ABCC10: variants seen among roughly 807,000 people sequenced by gnomAD.
The protein encoded by ABCC10 is ATP-binding cassette sub-family C member 10.
In ABCC10, 110 loss-of-function variants were observed where a neutral mutation model predicts 143.2. The ratio of observed to expected loss-of-function variants is 0.77; its 90% CI spans 0.66 to 0.90. The LOEUF (loss-of-function observed/expected upper bound fraction) is 0.90, where lower values mean the gene tolerates loss of function less well. Among genes scored for constraint, ABCC10 ranks in the 40% least tolerant of loss-of-function variants. The probability of loss-of-function intolerance (pLI) is 0.00; values close to 1 mark genes in which losing one functional copy is unlikely to be tolerated. For synonymous variants in ABCC10, 805 were observed against 846.7 expected, an observed-to-expected ratio of 0.95 and a Z score of 0.85; for missense variants, 1,700 against 1,900.5, an observed-to-expected ratio of 0.89 and a Z score of 1.96.
At chr6:43,436,518 CAG>C (rs1781743984) in intron 6 of ABCC10, among the ~76,000 whole-genome samples, 1 of 152,320 alleles carries the variant, frequency 6.6e-6, no homozygotes, top group African/African-American at 2.4e-5. Flanking sequence ...CCATGTCCCT[CAG>C]AAGCTGCAGC....
Position 43,432,573 on chromosome 6 carries a change from C to G in ABCC10, c.593C>G (p.Pro198Arg). The G allele has an allele frequency of 6.2e-7, 1 of 1,613,682 alleles. No individual in the cohort carries two copies. The highest frequency in any genetic ancestry group is 1.1e-5 in the South Asian group (1 of 91,088). ...GCAGCTCCTGGGGGACCACGAGAAC[C>G]CTGGGCTCAGGAGCCCCTCCTGCCC... Reference protein sequence around the residue: ...GWAAPGGPREPWAQEPLLPED... With the variant: ...GWAAPGGPRERWAQEPLLPED... The change falls in exon 3 of 22, where the codon CCC becomes CGC. Residue 198 changes from proline to arginine, a missense_variant. Transcript: ENST00000372530.
intron 2 of ABCC10, among the ~76,000 whole-genome samples, chr6:43,429,277 C>T (rs1472712646): frequency 6.6e-6 from 1 of 152,084 alleles, no homozygotes; most frequent in Non-Finnish European, 1.5e-5. Flanking sequence ...GTTTATGCCT[C>T]CAAGGGCCCA....
chr6:43,442,550 G>A (rs1296062361), intron 9 of ABCC10, among the ~76,000 whole-genome samples: 1 of 151,946 alleles, frequency 6.6e-6, no homozygotes. Flanking sequence ...CAGCCTGGGT[G>A]ATGAGAATGA....
At chr6:43,440,976 A>G (rs1782380559) in intron 8 of ABCC10, among the ~76,000 whole-genome samples, 1 of 151,662 alleles carries the variant, frequency 6.6e-6, no homozygotes, top group Admixed American at 6.6e-5. Context: ...CATGGCTCAC[A>G]CCTGTAGTCC....
In ABCC10 at chr6:43,447,827, C is replaced by T. The variant is rs1039370287; in HGVS notation, c.3849C>T (p.Gly1283=). 16 of 1,613,656 alleles carry T rather than the reference C, an allele frequency of 9.9e-6. No homozygotes were observed. In the African/African-American group the frequency reaches 1.3e-4, roughly 13 times the overall value. Residue 1283 remains glycine, a synonymous_variant, in exon 18 of 22, where the codon GGC becomes GGT. Coordinates refer to ENST00000372530, the MANE Select transcript of ABCC10 (RefSeq NM_001198934.2). ...GEKLGIVGRT[G]SGKSSLLLVL... is the part of the protein sequence containing the mutation. The stretch of plus-strand genomic sequence containing the variant: ...AGTTGGGCATCGTGGGCCGCACAGG[C>T]TCCGGCAAGTCTTCCCTGTTGTTGG...
chr6:43,445,001 G>T (rs182981708), intron 13 of ABCC10, 63 bp downstream of exon 13: 42 of 1,582,572 alleles, frequency 2.7e-5, no homozygotes, highest in Non-Finnish European at 3.5e-5. Context: ...CAGGGAGTGA[G>T]GGTTGTGGCC....
intron 2 of ABCC10, among the ~76,000 whole-genome samples, chr6:43,429,413 G>GGC (rs1780889611): frequency 6.8e-4 from 2 of 2,934 alleles, no homozygotes; most frequent in East Asian, 0.05. Flanking sequence ...TGTGTGTGGC[G>GGC]GGGGGGAGGG....
In ABCC10 at chr6:43,435,774, G is replaced by A. The variant is rs751089828; in HGVS notation, c.1632G>A (p.Val544=). ...ATKVFTALAL[V]RMLILPLNNF... The stretch of plus-strand genomic sequence containing the variant: ...AGGTGTTCACGGCCCTGGCACTGGT[G>A]CGAATGCTCATTCTTCCTCTCAACA... Residue 544 remains valine (V), a synonymous_variant, in exon 5 of 22, where the codon GTG becomes GTA. Transcript: ENST00000372530. 1.9e-6 allele frequency: 3 copies of A among 1,614,100 alleles called. No homozygotes were observed. The highest frequency in any genetic ancestry group is 1.1e-5 in the South Asian group (1 of 91,090).
rs1420384581 is a variant in ABCC10, at chr6:43,428,034, T to G, written c.56T>G (p.Leu19Arg). ...CGSSAAWPLP[L>R]WEGDTTGHCF... ...AGCAGCGCAGCGTGGCCGCTCCCGC[T>G]GTGGGAGGGGGACACCACAGGCCAC... is the stretch of plus-strand genomic sequence containing the variant. Residue 19 changes from leucine to arginine, a missense_variant, in exon 2 of 22, where the codon CTG (leucine) becomes CGG (arginine). By Grantham distance (102) the Leu-to-Arg change is moderately radical (BLOSUM62 -2). Transcript: ENST00000372530. 6.2e-7 allele frequency: 1 copy of G among 1,605,836 alleles called. No individual in the cohort carries two copies. Among genetic ancestry groups the G allele is most frequent in the East Asian group, 2.2e-5 (1 of 44,558 alleles).
rs780489672 is a variant in ABCC10, at chr6:43,444,315, T to C, written c.2651T>C (p.Leu884Ser). Residue 884 changes from leucine (L) to serine (S), a missense_variant, in exon 12 of 22, where the codon TTG (leucine) becomes TCG (serine). Leu to Ser is a moderately radical substitution (Grantham distance 145). Coordinates refer to ENST00000372530, the MANE Select transcript of ABCC10 (RefSeq NM_001198934.2). Reference sequence around the variant, plus strand: ...TACTGGAAGGCCGTGGGCCAGGGCTTGGCCTTAGCCATCCTCTTCTCTCTG... The same window carrying C: ...TACTGGAAGGCCGTGGGCCAGGGCTCGGCCTTAGCCATCCTCTTCTCTCTG... ...QAYWKAVGQG[L>S]ALAILFSLLL... is the part of the protein sequence containing the mutation. 6.8e-6 allele frequency: 11 copies of C among 1,612,674 alleles called. No homozygotes were observed. The South Asian group carries it at 1.2e-4, about 18-fold the overall frequency.
Position 43,447,271 on chromosome 6 carries a change from T to C in ABCC10, c.3568T>C (p.Tyr1190His), listed in dbSNP as rs141128599. 4.3e-6 allele frequency: 7 copies of C among 1,613,690 alleles called. No individual in the cohort carries two copies. In the African/African-American group the frequency reaches 6.7e-5, roughly 15 times the overall value. Residue 1190 changes from tyrosine to histidine, a missense_variant, in exon 17 of 22, where the codon TAT becomes CAT. Tyr to His is a moderately conservative substitution (Grantham distance 83). Coordinates refer to ENST00000372530, the MANE Select transcript of ABCC10 (RefSeq NM_001198934.2). ...AGGGCTGGTGGGCTTGTCGCTGTCTTATGCCCTGTCCCTGACGGGCCTGCT... is the reference window on the plus strand; with the variant it reads ...AGGGCTGGTGGGCTTGTCGCTGTCTCATGCCCTGTCCCTGACGGGCCTGCT... The part of the protein sequence containing the change: ...NPGLVGLSLS[Y>H]ALSLTGLLSG...
At chr6:43,439,213 T>G (rs1374584315) in intron 8 of ABCC10, among the ~76,000 whole-genome samples, 1 of 152,054 alleles carries the variant, frequency 6.6e-6, no homozygotes, top group Non-Finnish European at 1.5e-5. Flanking sequence ...GAGTACTATA[T>G]TTATAGGAGA....
Position 43,444,273 on chromosome 6 carries a change from T to C in ABCC10, c.2609T>C (p.Leu870Ser). The change falls in exon 12 of 22, where the codon TTG becomes TCG. Residue 870 changes from leucine to serine, a missense_variant. Leu to Ser is a moderately radical substitution (Grantham distance 145). Coordinates refer to ENST00000372530, the MANE Select transcript of ABCC10 (RefSeq NM_001198934.2). ...EESKKEGAVA[L>S]HVYQAYWKAV... ...AGCAAGAAGGAGGGCGCCGTGGCCT[T>C]GCACGTGTACCAAGCTTACTGGAAG... is the stretch of plus-strand genomic sequence containing the variant. 1 of 1,614,156 alleles carries C rather than the reference T, an allele frequency of 6.2e-7. No individual in the cohort carries two copies. Among genetic ancestry groups the C allele is most frequent in the Non-Finnish European group, 8.5e-7 (1 of 1,180,026 alleles).
In ABCC10 at chr6:43,432,162, C is replaced by G; in HGVS notation, c.182C>G (p.Pro61Arg). 6.2e-7 allele frequency: 1 copy of G among 1,614,210 alleles called. No individual in the cohort carries two copies. The highest frequency in any genetic ancestry group is 8.5e-7 in the Non-Finnish European group (1 of 1,180,032). Residue 61 changes from proline to arginine, a missense_variant, in exon 3 of 22, where the codon CCC becomes CGC. By Grantham distance (103) the Pro-to-Arg change is moderately radical. Transcript: ENST00000372530. ...GTPRSPDYIL[P>R]CSPGWRLRLA... The stretch of plus-strand genomic sequence containing the variant: ...CCCAGGAGTCCAGATTACATCCTAC[C>G]CTGCAGTCCTGGATGGCGCCTCCGA...
rs1347909686 is a variant in ABCC10, at chr6:43,432,390, C to A, written c.410C>A (p.Ala137Asp). 1 of 1,612,502 alleles carries A rather than the reference C, an allele frequency of 6.2e-7. No individual in the cohort carries two copies. The highest frequency in any genetic ancestry group is 8.5e-7 in the Non-Finnish European group (1 of 1,180,012). ...HGHSRGPLALALVALLPAPAL... is the reference protein window; with the variant it reads ...HGHSRGPLALDLVALLPAPAL... ...CACTCCCGGGGTCCCTTGGCCTTGG[C>A]CCTGGTAGCCTTGCTGCCAGCTCCA... Residue 137 changes from alanine (A) to aspartate (D), a missense_variant, in exon 3 of 22, where the codon GCC becomes GAC. Ala to Asp is a moderately radical substitution (Grantham distance 126). Transcript: ENST00000372530.
At chr6:43,451,366 A>G, downstream of ABCC10, 1 of 1,476,280 alleles carries the variant, frequency 6.8e-7, no homozygotes, top group Non-Finnish European at 9.1e-7. This position sits in a 1 kb window ranked among gnomAD's most constrained non-coding sequence, Gnocchi z 4.4. Flanking sequence ...CCGCCATGTC[A>G]TCTTGGGCTA....
intron 2 of ABCC10, chr6:43,430,618 G>T (rs2127380598): frequency 6.6e-6 from 1 of 151,920 alleles, no homozygotes; most frequent in South Asian, 2.1e-4. Context: ...AACTTTTTTA[G>T]TAACCTAGCC....
intron 8 of ABCC10, among the ~76,000 whole-genome samples, chr6:43,440,723 G>A (rs149784066): frequency 0.033 from 5,091 of 151,980 alleles, 114 homozygotes; most frequent in Non-Finnish European, 0.048. Context: ...ATAGCTGGGC[G>A]TGGTCGTGGG....
rs765792679 is a variant in ABCC10 at position 43,435,903 on chromosome 6, C to T, written c.1761C>T (p.Ser587=). The change falls in exon 5 of 22, where the codon AGC becomes AGT. Residue 587 remains serine, a synonymous_variant. Coordinates refer to ENST00000372530, the MANE Select transcript of ABCC10 (RefSeq NM_001198934.2). ...ACCACAACCCCCAGGCCTACTACAG[C>T]CCAGGTAATGGGAAGCTAGTGGGCA... ...LPNHNPQAYY[S]PDPPAEPSTV... 6.2e-7 allele frequency: 1 copy of T among 1,614,030 alleles called. No homozygotes were observed. Among genetic ancestry groups the T allele is most frequent in the South Asian group, 1.1e-5 (1 of 91,068 alleles).
Sources: allele counts gnomAD v4.1 joint callset (sites outside exome capture counted in the v4.1 genomes callset), GRCh38; gene constraint gnomAD v4.1.1; non-coding constraint Gnocchi (gnomAD v3.1); transcripts MANE v1.5; gene names NCBI Gene and HGNC (gene_info 2026-07-23, HGNC 2026-07-21).